THEMIS: variants seen among roughly 807,000 people sequenced by gnomAD.
The protein encoded by THEMIS is thymocyte selection associated.
Under a neutral mutation model 52.6 loss-of-function variants are expected in THEMIS, and 37 were observed. The ratio of observed to expected loss-of-function variants is 0.70; its 90% confidence interval spans 0.54 to 0.93. THEMIS has a LOEUF of 0.93. Ranked by LOEUF, THEMIS falls within the 40% of genes least tolerant of loss-of-function variation. The pLI, the probability that THEMIS is intolerant of heterozygous loss-of-function variation, is 0.00. For synonymous variants in THEMIS, 292 were observed against 272.7 expected, an observed-to-expected ratio of 1.07 and a Z score of -0.70; for missense variants, 808 against 763.1, an observed-to-expected ratio of 1.06 and a Z score of -0.69.
rs533850445 is a variant in THEMIS, at chr6:127,755,934, G to A, written c.1759-36111C>T. Among the ~76,000 whole-genome samples, 18 of 152,018 alleles carry A rather than the reference G, an allele frequency of 1.2e-4. No homozygotes were observed. The East Asian group carries it at 3.5e-3, about 29-fold the overall frequency. On this transcript the variant is annotated intron_variant, in intron 4 of 5. Coordinates refer to ENST00000368248, the MANE Select transcript of THEMIS (RefSeq NM_001010923.3). ...CCCAGCTACTCAGGAGACTGAGAAAGAAGAATTGCTTGAACCCAGGAGGCA... is the reference window on the plus strand; with the variant it reads ...CCCAGCTACTCAGGAGACTGAGAAAAAAGAATTGCTTGAACCCAGGAGGCA...
At chr6:127,899,412 A>G (rs1211768738) in intron 1 of THEMIS, among the ~76,000 whole-genome samples, 1 of 151,950 alleles carries the variant, frequency 6.6e-6, no homozygotes, top group African/African-American at 2.4e-5. Flanking sequence ...AAAAAAATAA[A>G]CTAATGGAAT....
chr6:127,767,127 TG>T (rs1354695176), intron 4 of THEMIS, among the ~76,000 whole-genome samples: 1 of 151,990 alleles, frequency 6.6e-6, no homozygotes, highest in African/African-American at 2.4e-5. Context: ...AGTCTCGCTC[TG>T]TCACCCAGGC....
At chr6:127,894,648 G>GA (rs1305901418) in intron 1 of THEMIS, among the ~76,000 whole-genome samples, 1 of 151,462 alleles carries the variant, frequency 6.6e-6, no homozygotes, top group Non-Finnish European at 1.5e-5. Flanking sequence ...GACTGAATCA[G>GA]AAAAAATAAA....
intron 4 of THEMIS, among the ~76,000 whole-genome samples, chr6:127,721,407 C>A (rs527504981): frequency 1.3e-5 from 2 of 152,166 alleles, no homozygotes; most frequent in South Asian, 4.1e-4. Context: ...TGTGAGAATA[C>A]AAATATAACA....
At chr6:127,814,681 A>G (rs1778064828) in intron 3 of THEMIS, among the ~76,000 whole-genome samples, 2 of 152,180 alleles carry the variant, frequency 1.3e-5, no homozygotes, top group African/African-American at 2.4e-5. Flanking sequence ...GTACTCACCA[A>G]TGTATTCATT....
At chr6:127,718,050 T>C (rs1384557433) in intron 5 of THEMIS, among the ~76,000 whole-genome samples, 1 of 151,850 alleles carries the variant, frequency 6.6e-6, no homozygotes, top group African/African-American at 2.4e-5. Flanking sequence ...AGTCTTTTTT[T>C]TGGAAATGAA....
At chr6:127,817,160 G>T (rs1386206173) in intron 3 of THEMIS, among the ~76,000 whole-genome samples, 1 of 152,028 alleles carries the variant, frequency 6.6e-6, no homozygotes, top group East Asian at 1.9e-4. Context: ...CTTCCCAGAG[G>T]TGGGAGGCTT....
intron 4 of THEMIS, among the ~76,000 whole-genome samples, chr6:127,755,142 G>T (rs1037954648): frequency 1.2e-4 from 18 of 152,112 alleles, no homozygotes; most frequent in African/African-American, 3.9e-4. Context: ...TACAGAACAC[G>T]TGTTCCAAAA....
At chr6:127,700,919 G>T in the THEMIS span, among the ~76,000 whole-genome samples, 1 of 151,956 alleles carries the variant, frequency 6.6e-6, no homozygotes, top group African/African-American at 2.4e-5. Flanking sequence ...CTTTAAGTCC[G>T]TTAGGCTCTC....
Position 127,900,887 on chromosome 6 carries a change from T to A in THEMIS, c.46A>T (p.Thr16Ser). ...EEFVHSLDLR[T>S]LPRVLEIQAG... ...TGGATTTCTAGAACCCTGGGTAGGGTCCTGAGGTCAAGGGAGTGGACGAAT... is the reference window on the plus strand; with the variant it reads ...TGGATTTCTAGAACCCTGGGTAGGGACCTGAGGTCAAGGGAGTGGACGAAT... The change falls in exon 1 of 6, where the codon ACC (threonine) becomes TCC (serine). Residue 16 changes from threonine (T) to serine (S), a missense_variant. Thr to Ser is a moderately conservative substitution (Grantham distance 58). Transcript: ENST00000368248. 2 of 1,613,174 alleles carry A rather than the reference T, an allele frequency of 1.2e-6. No homozygotes were observed. The highest frequency in any genetic ancestry group is 1.7e-6 in the Non-Finnish European group (2 of 1,179,434).
intron 4 of THEMIS, among the ~76,000 whole-genome samples, chr6:127,737,687 C>A (rs1775055043): frequency 6.6e-6 from 1 of 152,120 alleles, no homozygotes; most frequent in East Asian, 1.9e-4. Flanking sequence ...TAAACTAATT[C>A]AAGAATAAAA....
chr6:127,758,499 G>A (rs1478085855), intron 4 of THEMIS, among the ~76,000 whole-genome samples: 1 of 148,856 alleles, frequency 6.7e-6, no homozygotes, highest in Non-Finnish European at 1.5e-5. Flanking sequence ...ATGCCTCATA[G>A]GTGCCCAATA....
At chr6:127,904,214 T>C (rs1259128425), upstream of THEMIS, among the ~76,000 whole-genome samples, 1 of 152,066 alleles carries the variant, frequency 6.6e-6, no homozygotes, top group Non-Finnish European at 1.5e-5. Flanking sequence ...AGCACCACTT[T>C]TTCCCCTTAA....
intron 1 of THEMIS, among the ~76,000 whole-genome samples, chr6:127,890,288 G>C (rs1780764628): frequency 6.6e-6 from 1 of 152,048 alleles, no homozygotes; most frequent in African/African-American, 2.4e-5. Flanking sequence ...AAAACATGTA[G>C]TATTTTCAAT....
intron 4 of THEMIS, among the ~76,000 whole-genome samples, chr6:127,760,720 T>A (rs1237579498): frequency 1.3e-5 from 2 of 151,984 alleles, no homozygotes; most frequent in African/African-American, 4.8e-5. Context: ...AAGGTTGCAG[T>A]GAACTATGAT....
chr6:127,823,136 A>C (rs1778397083), intron 3 of THEMIS, among the ~76,000 whole-genome samples: 1 of 152,130 alleles, frequency 6.6e-6, no homozygotes, highest in Non-Finnish European at 1.5e-5. Flanking sequence ...TATATACATA[A>C]TACAAAATAG....
intron 4 of THEMIS, among the ~76,000 whole-genome samples, chr6:127,793,458 A>T (rs1777222703): frequency 6.6e-6 from 1 of 152,180 alleles, no homozygotes; most frequent in Non-Finnish European, 1.5e-5. Flanking sequence ...GTAAGAAAAG[A>T]TAAAAACAGG....
At chr6:127,834,963 C>T (rs993780157) in intron 2 of THEMIS, among the ~76,000 whole-genome samples, 6 of 152,084 alleles carry the variant, frequency 3.9e-5, no homozygotes, top group Non-Finnish European at 7.4e-5. Context: ...TTTCTCTCTC[C>T]CAGGCAGCGA....
intron 1 of THEMIS, among the ~76,000 whole-genome samples, chr6:127,876,463 T>C (rs1780317459): frequency 6.6e-6 from 1 of 152,184 alleles, no homozygotes; most frequent in Non-Finnish European, 1.5e-5. Context: ...CCTGTCTAAT[T>C]CCTTTTCAAC....
Sources: gnomAD v4.1 joint callset for allele counts (sites outside exome capture counted in the v4.1 genomes callset) on GRCh38, gnomAD v4.1.1 for gene constraint, MANE v1.5 for transcripts, NCBI Gene and HGNC (gene_info 2026-07-23, HGNC 2026-07-21) for gene names.